The following CLMP variants were observed in gnomAD, a reference collection of about 807,000 sequenced individuals.
CLMP encodes CXADR-like membrane protein.
CLMP carries 27 observed loss-of-function variants against 45.2 expected under a neutral mutation model. That is an observed-to-expected ratio of 0.60 (90% CI 0.44 to 0.82). The LOEUF (loss-of-function observed/expected upper bound fraction) is 0.82. Among genes scored for constraint, CLMP ranks in the 40% least tolerant of loss-of-function variants. The probability of loss-of-function intolerance (pLI) is 0.00; values close to 1 mark genes in which losing one functional copy is unlikely to be tolerated. For missense variants in CLMP, 403 were observed against 448.4 expected, an observed-to-expected ratio of 0.90 and a Z score of 0.91; for synonymous variants, 167 against 171.4, an observed-to-expected ratio of 0.97 and a Z score of 0.20.
intron 1 of CLMP, among the ~76,000 whole-genome samples, chr11:123,145,154 C>T (rs1019463580): frequency 6.6e-6 from 1 of 151,984 alleles, no homozygotes; most frequent in African/African-American, 2.4e-5. Context: ...TTAATTTCCC[C>T]TGTTTCTCTT....
chr11:123,174,323 A>G (rs1271126294), intron 1 of CLMP, among the ~76,000 whole-genome samples: 1 of 152,182 alleles, frequency 6.6e-6, no homozygotes, highest in Admixed American at 6.5e-5. Context: ...CATACTATGT[A>G]TAATAGGAAA....
At chr11:123,187,755 G>A (rs961113743) in intron 1 of CLMP, among the ~76,000 whole-genome samples, 2 of 152,136 alleles carry the variant, frequency 1.3e-5, no homozygotes, top group Non-Finnish European at 2.9e-5. Flanking sequence ...AGGTTGTGAT[G>A]AAGAATGAGA....
rs536491033 is a variant in CLMP at position 123,143,893 on chromosome 11, C to T, written c.29-45941G>A. ...GTGCAATCTTGGCTCACTGCAACCC[C>T]TACCTCCCAGGTCCAAGCGATCCTC... On this transcript the variant is annotated intron_variant, in intron 1 of 6. Transcript: ENST00000448775. Among the ~76,000 whole-genome samples the T allele has an allele frequency of 5.1e-4, 78 of 152,160 alleles. 1 individual carries two copies. In the South Asian group the frequency reaches 0.01, roughly 20 times the overall value.
chr11:123,154,364 G>T (rs1029845722), intron 1 of CLMP, among the ~76,000 whole-genome samples: 1 of 152,192 alleles, frequency 6.6e-6, no homozygotes, highest in East Asian at 1.9e-4. Context: ...AGGCACATTG[G>T]CTGGGGAGAC....
rs117702536 is a variant in CLMP at position 123,073,420 on chromosome 11, A to G, written c.*54T>C. On this transcript the variant is annotated 3_prime_UTR_variant, in exon 7 of 7. Coordinates refer to ENST00000448775, the MANE Select transcript of CLMP (RefSeq NM_024769.5). ...GGTGACTTGAGCTCCAATGACGAGA[A>G]GAGTCCAAAGACCCTGACTCCTAGG... The G allele has an allele frequency of 0.019, 29,857 of 1,533,750 alleles. 337 individuals carry two copies. The highest frequency in any genetic ancestry group is 0.023 in the Non-Finnish European group (26,404 of 1,138,658).
At chr11:123,194,533 G>C (rs1489237253) in intron 1 of CLMP, among the ~76,000 whole-genome samples, 1 of 151,956 alleles carries the variant, frequency 6.6e-6, no homozygotes, top group African/African-American at 2.4e-5. Flanking sequence ...TCTGAGCCTC[G>C]GAGGCGCCTG....
In CLMP at chr11:123,076,662, C is replaced by T. The variant is rs1865743970; in HGVS notation, c.680-1819G>A. Among the ~76,000 whole-genome samples, 5 of 151,952 alleles carry T rather than the reference C, an allele frequency of 3.3e-5. No homozygotes were observed. The South Asian group carries it at 8.3e-4, about 25-fold the overall frequency. ...ACAATTAATGTGAGTGGGTCTGGAG[C>T]ATAGTGAGCAAGGGAGAGTAGAGGG... On this transcript the variant is annotated intron_variant, in intron 5 of 6. Coordinates refer to ENST00000448775, the MANE Select transcript of CLMP (RefSeq NM_024769.5).
chr11:123,185,145 A>G (rs1477091660), intron 1 of CLMP, among the ~76,000 whole-genome samples: 1 of 152,130 alleles, frequency 6.6e-6, no homozygotes, highest in Non-Finnish European at 1.5e-5. Context: ...CTTCAAGAAC[A>G]GGGTGGGGGA....
At chr11:123,132,671 C>T (rs912028728) in intron 1 of CLMP, among the ~76,000 whole-genome samples, 6 of 152,130 alleles carry the variant, frequency 3.9e-5, no homozygotes, top group African/African-American at 1.4e-4. Flanking sequence ...GTTGGCCAGG[C>T]TAGTCTGGAA....
At chr11:123,184,986 C>G (rs1351819031) in intron 1 of CLMP, among the ~76,000 whole-genome samples, 3 of 152,148 alleles carry the variant, frequency 2.0e-5, no homozygotes, top group Non-Finnish European at 4.4e-5. Context: ...ACAAGGTGCT[C>G]TCGGGGCTGA....
Position 123,160,805 on chromosome 11 carries a change from C to G in CLMP, c.28+34108G>C, listed in dbSNP as rs191089419. ...CCAGCCTGGCTAACCTGGCAAAACC[C>G]CATCTCTACTAAAAATACAAAAATT... is the stretch of plus-strand genomic sequence containing the variant. On this transcript the variant is annotated intron_variant, in intron 1 of 6. Coordinates refer to ENST00000448775, the MANE Select transcript of CLMP (RefSeq NM_024769.5). Among the ~76,000 whole-genome samples the G allele has an allele frequency of 2.2e-3, 332 of 151,990 alleles. 3 individuals carry two copies. The highest frequency in any genetic ancestry group is 3.7e-3 in the Admixed American group (57 of 15,260).
chr11:123,158,616 C>T lies in CLMP; in HGVS notation c.28+36297G>A, dbSNP rs536291351. On this transcript the variant is annotated intron_variant, in intron 1 of 6. Transcript: ENST00000448775. ...TGTATTATTTTAGTTTTGCAGTAGA[C>T]CACAAAGCCAGGAGACTATCTGATT... is the stretch of plus-strand genomic sequence containing the variant. 2.0e-4 allele frequency among the ~76,000 whole-genome samples: 31 copies of T among 152,274 alleles called. 1 individual carries two copies. The highest frequency in any genetic ancestry group is 3.1e-4 in the Non-Finnish European group (21 of 68,016).
At position 123,148,200 on chromosome 11, in the gene CLMP, C is replaced by CCGT. The variant is rs1861266309; in HGVS notation, c.28+46712_28+46713insACG. ...TGTTTTAAGTGCTACGTAAGTGTAG[C>CCGT]TGTTATGTTTAGGGCCGCAGGGCTT... On this transcript the variant is annotated intron_variant, in intron 1 of 6. Coordinates refer to ENST00000448775, the MANE Select transcript of CLMP (RefSeq NM_024769.5). 2.6e-5 allele frequency among the ~76,000 whole-genome samples: 4 copies of CCGT among 152,246 alleles called. No homozygotes were observed. In the South Asian group the frequency reaches 8.3e-4, roughly 32 times the overall value.
intron 1 of CLMP, among the ~76,000 whole-genome samples, chr11:123,133,913 CTA>C (rs1295961813): frequency 6.6e-6 from 1 of 152,144 alleles, no homozygotes; most frequent in Non-Finnish European, 1.5e-5. Flanking sequence ...ACATGTCTAA[CTA>C]TTTTTCTGGG....
At chr11:123,076,055 C>T (rs1591447678) in intron 5 of CLMP, among the ~76,000 whole-genome samples, 1 of 152,104 alleles carries the variant, frequency 6.6e-6, no homozygotes, top group African/African-American at 2.4e-5. Context: ...CGCCTATAAT[C>T]CCAGCTACTC....
chr11:123,116,529 C>T (rs1860722806), intron 1 of CLMP, among the ~76,000 whole-genome samples: 1 of 152,160 alleles, frequency 6.6e-6, no homozygotes, highest in African/African-American at 2.4e-5. Context: ...GATCACACCA[C>T]TGCATGCCAG....
At chr11:123,135,003 T>A (rs1295516699) in intron 1 of CLMP, among the ~76,000 whole-genome samples, 1 of 151,820 alleles carries the variant, frequency 6.6e-6, no homozygotes, top group African/African-American at 2.4e-5. Flanking sequence ...CTCATGCCTG[T>A]AATCCCAGCA....
At chr11:123,118,985 CTTTCTTTCTT>C (rs1565387861) in intron 1 of CLMP, among the ~76,000 whole-genome samples, 12 of 47,698 alleles carry the variant, frequency 2.5e-4, no homozygotes, top group Admixed American at 5.2e-4. Context: ...TTCTTTCTTT[CTTTCTTTCTT>C]TCTTTCTCTC....
At chr11:123,109,918 T>G (rs1342792974) in intron 1 of CLMP, among the ~76,000 whole-genome samples, 1 of 152,144 alleles carries the variant, frequency 6.6e-6, no homozygotes, top group Non-Finnish European at 1.5e-5. Context: ...CGGGGAGTCA[T>G]GACCGGCAAA....
Sources: allele counts gnomAD v4.1 joint callset (sites outside exome capture counted in the v4.1 genomes callset), GRCh38; gene constraint gnomAD v4.1.1; transcripts MANE v1.5; gene names NCBI Gene and HGNC (gene_info 2026-07-23, HGNC 2026-07-21).